Variants in CEP131 observed in about 807,000 individuals in gnomAD.
CEP131 encodes centrosomal protein 131, also known as centrosomal protein of 131 kDa.
In CEP131, 99 loss-of-function variants were observed where a neutral mutation model predicts 136.8. The observed-to-expected ratio is 0.72, with a 90% CI of 0.62 to 0.86. CEP131 has a LOEUF of 0.86. Ranked by LOEUF, CEP131 falls within the 40% of genes least tolerant of loss-of-function variation. The pLI, the probability that CEP131 is intolerant of heterozygous loss-of-function variation, is 0.00. For synonymous variants in CEP131, 646 were observed against 612.7 expected (o/e 1.05, Z -0.80); for missense variants, 1,459 against 1,463.0 (o/e 1.00, Z 0.04).
chr17:81,190,418 A>G (rs1301237467), intron 24 of CEP131, among the ~76,000 whole-genome samples: 2 of 152,164 alleles, frequency 1.3e-5, no homozygotes, highest in African/African-American at 4.8e-5. Context: ...GGGTGCCCCA[A>G]CAGGGATGGC....
Position 81,189,668 on chromosome 17 carries a change from C to T in CEP131, c.*101G>A, listed in dbSNP as rs578140420. On this transcript the variant is annotated 3_prime_UTR_variant, in exon 26 of 26. Coordinates refer to ENST00000450824, the MANE Select transcript of CEP131 (RefSeq NM_014984.4). ...TAGCCGTGGGCATCTCAACCACCAG[C>T]CTCTGTGGGGGGCAGGTGGGCGTCC... 4.7e-6 allele frequency: 6 copies of T among 1,273,090 alleles called. No homozygotes were observed. The South Asian group carries it at 8.8e-5, about 19-fold the overall frequency. 78.9% of individuals were successfully genotyped at this position (1,273,090 alleles called of 1,614,324 possible).
chr17:81,207,022 C>A, intron 4 of CEP131, 103 bp downstream of exon 4: 8 of 1,514,420 alleles, frequency 5.3e-6, no homozygotes, highest in Non-Finnish European at 6.2e-6. Flanking sequence ...AGCTTGACAC[C>A]CTCCCTGCAG....
rs755269500 is a variant in CEP131, at chr17:81,197,746, T to G, written c.1613A>C (p.Lys538Thr). The G allele has an allele frequency of 1.2e-6, 2 of 1,612,882 alleles. No homozygotes were observed. Among genetic ancestry groups the G allele is most frequent in the African/African-American group, 1.3e-5 (1 of 75,054 alleles). The stretch of plus-strand genomic sequence containing the variant: ...GGAGTCCAGCTGGTCCTGCCCAGAC[T>G]TCTCCATCTCGTCCAAGAAGCTCAT... The part of the protein sequence containing the change: ...SIMSFLDEME[K>T]SGQDQLDSQQ... Residue 538 changes from lysine (K) to threonine (T), a missense_variant, in exon 13 of 26, where the codon AAG becomes ACG. Coordinates refer to ENST00000450824, the MANE Select transcript of CEP131 (RefSeq NM_014984.4).
intron 5 of CEP131, among the ~76,000 whole-genome samples, chr17:81,205,377 A>AAGAGT (rs1479192659): frequency 9.3e-6 from 1 of 107,498 alleles, no homozygotes; most frequent in African/African-American, 3.9e-5. Context: ...GAGGGGCAGC[A>AAGAGT]GTGGGGTAGG....
intron 1 of CEP131, among the ~76,000 whole-genome samples, chr17:81,221,142 A>C (rs1031875570): frequency 2.8e-4 from 42 of 151,464 alleles, no homozygotes; most frequent in Admixed American, 3.3e-4. Flanking sequence ...AAAAAAAAAA[A>C]AAAACGCGGG....
In CEP131 at chr17:81,196,984, C is replaced by T. The variant is rs776501197; in HGVS notation, c.1719G>A (p.Leu573=). 3.1e-6 allele frequency: 5 copies of T among 1,605,922 alleles called. No individual in the cohort carries two copies. In the African/African-American group the frequency reaches 5.3e-5, roughly 17 times the overall value. Residue 573 remains leucine (L), a synonymous_variant, in exon 14 of 26, where the codon CTG becomes CTA. Coordinates refer to ENST00000450824, the MANE Select transcript of CEP131 (RefSeq NM_014984.4). ...GCTTCTTCTCCTCCACCTCCAGCTT[C>T]AGCCGCATCACAGACGTGCTCACCT... ...GSEVSTSVMR[L]KLEVEEKKQA...
rs375005149 is a variant in CEP131 at position 81,198,106 on chromosome 17, C to T, written c.1470+9G>A. 4.1e-5 allele frequency: 64 copies of T among 1,553,274 alleles called. No individual in the cohort carries two copies. Among genetic ancestry groups the T allele is most frequent in the South Asian group, 3.1e-4 (26 of 85,178 alleles). ...CAGACTGTGCAGGGCGGGCGCACACCGTGGTCACCTCGCTGGCCCAGGCGT... is the reference window on the plus strand; with the variant it reads ...CAGACTGTGCAGGGCGGGCGCACACTGTGGTCACCTCGCTGGCCCAGGCGT... On this transcript the variant is annotated intron_variant, in intron 12 of 25. Transcript: ENST00000450824.
rs765889538 is a variant in CEP131 at position 81,192,805 on chromosome 17, T to A, written c.2360A>T (p.Gln787Leu). 4 of 1,598,326 alleles carry A rather than the reference T, an allele frequency of 2.5e-6. No individual in the cohort carries two copies. The highest frequency in any genetic ancestry group is 3.4e-6 in the Non-Finnish European group (4 of 1,178,922). ...QHLEQEQWAL[Q>L]QQRQRLYSEV... Reference sequence around the variant, plus strand: ...ACTGTACAGCCGCTGCCGTTGCTGCTGCAGCGCCCACTGCTCCTGCTCCAG... The same window carrying A: ...ACTGTACAGCCGCTGCCGTTGCTGCAGCAGCGCCCACTGCTCCTGCTCCAG... The change falls in exon 19 of 26, where the codon CAG becomes CTG. Residue 787 changes from glutamine to leucine, a missense_variant. Around this residue, in one of 3 missense-constraint regions of CEP131, gnomAD observed 1,026 missense variants for 964.2 expected, o/e 1.06. Transcript: ENST00000450824.
At chr17:81,190,143 G>A (rs2061606544) in intron 24 of CEP131, among the ~76,000 whole-genome samples, 168 bp from the exon 25 acceptor site, 1 of 152,210 alleles carries the variant, frequency 6.6e-6, no homozygotes, top group Admixed American at 6.5e-5. Context: ...CCCACCTGCT[G>A]TGAGTCAGGA....
intron 5 of CEP131, among the ~76,000 whole-genome samples, chr17:81,204,360 TC>T (rs1310343808): frequency 1.3e-5 from 2 of 151,884 alleles, no homozygotes; most frequent in Non-Finnish European, 2.9e-5. Context: ...CCGCCACCCC[TC>T]CCCAGCAGTG....
Position 81,196,713 on chromosome 17 carries a change from G to A in CEP131, c.1887C>T (p.Ala629=), listed in dbSNP as rs747909113. The A allele has an allele frequency of 3.1e-6, 5 of 1,605,484 alleles. No individual in the cohort carries two copies. The Admixed American group carries it at 8.4e-5, about 27-fold the overall frequency. The change falls in exon 15 of 26, where the codon GCC becomes GCT. Residue 629 remains alanine (A), a synonymous_variant. Transcript: ENST00000450824. ...HYEATIQRHL[A]FIDQLIEDKK... is the part of the protein sequence containing the mutation. ...CCGGGCCGCTCACCTGGTCAATGAAGGCCAAGTGCCGCTGGATGGTGGCCT... is the reference window on the plus strand; with the variant it reads ...CCGGGCCGCTCACCTGGTCAATGAAAGCCAAGTGCCGCTGGATGGTGGCCT...
intron 2 of CEP131, among the ~76,000 whole-genome samples, chr17:81,214,162 A>G (rs73356052): frequency 0.025 from 3,858 of 152,328 alleles, 151 homozygotes; most frequent in African/African-American, 0.088. Flanking sequence ...ATAATGTAAG[A>G]TATTCAAATA....
Position 81,197,816 on chromosome 17 carries a change from G to C in CEP131, c.1543C>G (p.Pro515Ala). The change falls in exon 13 of 26, where the codon CCT becomes GCT. Residue 515 changes from proline to alanine, a missense_variant. Physicochemically the swap from Pro to Ala is conservative, Grantham distance 27. Coordinates refer to ENST00000450824, the MANE Select transcript of CEP131 (RefSeq NM_014984.4). ...TCCGATAGCAGCGTCCCATCCTCAG[G>C]AGGTTCGGGGAACGCACTGAGTTTT... Reference protein sequence around the residue: ...FGKLSAFPEPPEDGTLLSEAK... With the variant: ...FGKLSAFPEPAEDGTLLSEAK... 6.2e-7 allele frequency: 1 copy of C among 1,613,300 alleles called. No individual in the cohort carries two copies. Among genetic ancestry groups the C allele is most frequent in the Non-Finnish European group, 8.5e-7 (1 of 1,179,956 alleles).
intron 2 of CEP131, among the ~76,000 whole-genome samples, chr17:81,218,417 G>A (rs2062304408): frequency 6.6e-6 from 1 of 152,254 alleles, no homozygotes; most frequent in African/African-American, 2.4e-5. Flanking sequence ...AGCGGGAGGG[G>A]CCAAGGCAGG....
At chr17:81,205,934 A>G (rs1396927772) in intron 5 of CEP131, among the ~76,000 whole-genome samples, 2 of 152,138 alleles carry the variant, frequency 1.3e-5, no homozygotes, top group East Asian at 1.9e-4. Context: ...AGCTGGGTGC[A>G]GTGGCTCACG....
chr17:81,196,607 G>A (rs1469927204), intron 15 of CEP131, 94 bp downstream of exon 15: 3 of 1,492,148 alleles, frequency 2.0e-6, no homozygotes, highest in Non-Finnish European at 2.7e-6. Flanking sequence ...CCCAACAGAG[G>A]AAGAAGCTCC....
intron 7 of CEP131, 42 bp from the exon 8 acceptor site, chr17:81,200,488 C>T (rs1327598396): frequency 2.8e-6 from 4 of 1,443,368 alleles, no homozygotes; most frequent in East Asian, 2.5e-5. Flanking sequence ...AGGACCAGCG[C>T]CCCGGCAGGA....
chr17:81,220,637 G>A (rs2062366592), intron 1 of CEP131, among the ~76,000 whole-genome samples: 2 of 152,072 alleles, frequency 1.3e-5, no homozygotes, highest in Non-Finnish European at 2.9e-5. Flanking sequence ...TGGGATTACA[G>A]GTGCCCGCCA....
intron 1 of CEP131, among the ~76,000 whole-genome samples, chr17:81,221,137 A>AAG (rs1327789912): frequency 6.6e-6 from 1 of 151,234 alleles, no homozygotes; most frequent in African/African-American, 2.4e-5. Context: ...AAAAAAAAAA[A>AAG]AAAAAAAAAC....
Sources: allele counts gnomAD v4.1 joint callset (sites outside exome capture counted in the v4.1 genomes callset), GRCh38; gene constraint gnomAD v4.1.1; regional missense constraint gnomAD v4.1.1; transcripts MANE v1.5; gene names NCBI Gene and HGNC (gene_info 2026-07-23, HGNC 2026-07-21).